MON2: variants seen among roughly 807,000 people sequenced by gnomAD.
The protein encoded by MON2 is MON2 regulator of endosome-to-Golgi trafficking.
In MON2, 84 loss-of-function variants were observed where a neutral mutation model predicts 208.6. That is an observed-to-expected ratio of 0.40 (90% CI 0.34 to 0.48). MON2 has a LOEUF of 0.48. Ranked by LOEUF, MON2 falls within the 20% of genes least tolerant of loss-of-function variation. The pLI, the probability that MON2 is intolerant of heterozygous loss-of-function variation, is 0.59. For synonymous variants in MON2, 660 were observed against 694.0 expected (o/e 0.95, Z 0.77); for missense variants, 1,611 against 2,015.4 (o/e 0.80, Z 3.84).
intron 8 of MON2, 31 bp downstream of exon 8, chr12:62,508,511 AT>A: frequency 1.3e-6 from 2 of 1,584,236 alleles, no homozygotes; most frequent in South Asian, 2.2e-5. Flanking sequence ...GTATTTGTGT[AT>A]ATAGTTGCAT....
intron 7 of MON2, among the ~76,000 whole-genome samples, chr12:62,504,331 G>A (rs10877865): frequency 0.38 from 55,895 of 146,576 alleles, 10,786 homozygotes; most frequent in African/African-American, 0.44. Context: ...TGCAAGCTCC[G>A]CCTCCCATGT....
At chr12:62,582,315 C>T (rs563102496) in intron 32 of MON2, among the ~76,000 whole-genome samples, 3 of 152,152 alleles carry the variant, frequency 2.0e-5, no homozygotes, top group African/African-American at 7.2e-5. Flanking sequence ...CATGGACATT[C>T]TTTCAGTGAC....
chr12:62,579,867 A>G (rs1450094342), intron 31 of MON2, among the ~76,000 whole-genome samples: 3 of 152,266 alleles, frequency 2.0e-5, no homozygotes, highest in African/African-American at 4.8e-5. Flanking sequence ...TGTTAGAGAT[A>G]AACTATTTGA....
intron 19 of MON2, among the ~76,000 whole-genome samples, chr12:62,540,395 A>G (rs923797163): frequency 1.3e-5 from 2 of 152,196 alleles, no homozygotes; most frequent in Non-Finnish European, 2.9e-5. Context: ...ATATGTTTCT[A>G]TTAAGATGAA....
chr12:62,490,233 A>G (rs2070040520), intron 2 of MON2: 1 of 154,904 alleles, frequency 6.5e-6, no homozygotes, highest in Middle Eastern at 6.1e-4. Context: ...TAGGCAGAAA[A>G]TAAACTTTTT....
chr12:62,498,378 G>T (rs1398084354), intron 4 of MON2, among the ~76,000 whole-genome samples: 1 of 152,088 alleles, frequency 6.6e-6, no homozygotes, highest in East Asian at 1.9e-4. Context: ...AACTTTTGGG[G>T]TGATGGAAAT....
Position 62,560,818 on chromosome 12 carries a change from C to G in MON2, c.3737C>G (p.Thr1246Ser), listed in dbSNP as rs766255723. 7 of 1,613,988 alleles carry G rather than the reference C, an allele frequency of 4.3e-6. No individual in the cohort carries two copies. Among genetic ancestry groups the G allele is most frequent in the Non-Finnish European group, 5.9e-6 (7 of 1,179,990 alleles). Residue 1246 changes from threonine to serine, a missense_variant, in exon 26 of 35, where the codon ACC (threonine) becomes AGC (serine). Transcript: ENST00000393630. ...AATCTATGGTGGGCTGCGTGGAATACCTGGTATAGAATTGGATCTGAAAGT... is the reference window on the plus strand; with the variant it reads ...AATCTATGGTGGGCTGCGTGGAATAGCTGGTATAGAATTGGATCTGAAAGT... Reference protein sequence around the residue: ...DLNLWWAAWNTWYRIGSESTK... With the variant: ...DLNLWWAAWNSWYRIGSESTK...
intron 11 of MON2, among the ~76,000 whole-genome samples, chr12:62,528,702 T>G (rs979904586): frequency 2.6e-5 from 4 of 152,234 alleles, no homozygotes; most frequent in Non-Finnish European, 5.9e-5. Flanking sequence ...ATTTTCCCAA[T>G]AGATCACATA....
At chr12:62,524,979 G>A (rs747066720) in intron 9 of MON2, 105 bp from the exon 10 acceptor site, 3 of 972,586 alleles carry the variant, frequency 3.1e-6, no homozygotes, top group East Asian at 5.2e-5. Flanking sequence ...GAATGTTTTA[G>A]TATAGTTTGG....
At chr12:62,539,676 A>G (rs1404589223) in intron 19 of MON2, among the ~76,000 whole-genome samples, 4 of 152,144 alleles carry the variant, frequency 2.6e-5, no homozygotes, top group Non-Finnish European at 4.4e-5. Context: ...AGTTTCATAT[A>G]TTATAGTACC....
In MON2 at chr12:62,537,951, A is replaced by T. The variant is rs556544040; in HGVS notation, c.2119-145A>T. 3.1e-5 allele frequency: 22 copies of T among 702,878 alleles called. No individual in the cohort carries two copies. The African/African-American group carries it at 4.0e-4, about 13-fold the overall frequency. The allele number at this position is 702,878 out of a possible 1,614,324, so 43.5% of individuals were successfully genotyped here. On this transcript the variant is annotated intron_variant, in intron 16 of 34. Coordinates refer to ENST00000393630, the MANE Select transcript of MON2 (RefSeq NM_015026.3). ...CATTAATTATTTTATATGAATGTTA[A>T]TTAGTGATTTTAGTTTTAGGTTTTA...
chr12:62,581,833 CAA>C (rs2075018552), intron 32 of MON2, among the ~76,000 whole-genome samples: 1 of 151,720 alleles, frequency 6.6e-6, no homozygotes, highest in Admixed American at 6.6e-5. Flanking sequence ...GTCTCAAAAA[CAA>C]AAAAGAAAAA....
chr12:62,481,012 A>G (rs189324319), intron 1 of MON2, among the ~76,000 whole-genome samples: 14 of 152,326 alleles, frequency 9.2e-5, no homozygotes, highest in Admixed American at 8.5e-4. Flanking sequence ...GGGTGTGTGA[A>G]TGTTACAAAA....
At chr12:62,497,163 T>G (rs1472435975) in intron 4 of MON2, among the ~76,000 whole-genome samples, 1 of 69,112 alleles carries the variant, frequency 1.4e-5, no homozygotes, top group Non-Finnish European at 2.8e-5. Context: ...GTTGTGGGGT[T>G]GGGGGAGGGG....
rs77377829 is a variant in MON2 at position 62,478,482 on chromosome 12, A to G, written c.112-5688A>G. On this transcript the variant is annotated intron_variant, in intron 1 of 34. Transcript: ENST00000393630. ...TGACAAAATCAGAAGGACCTGCACC[A>G]TAAGTCTATAGCTATCATCTTGTTG... 4.8e-3 allele frequency among the ~76,000 whole-genome samples: 724 copies of G among 152,370 alleles called. 6 individuals carry two copies. Among genetic ancestry groups the G allele is most frequent in the African/African-American group, 0.016 (668 of 41,598 alleles).
intron 11 of MON2, among the ~76,000 whole-genome samples, chr12:62,528,645 G>A (rs1172226260): frequency 6.6e-6 from 1 of 152,134 alleles, no homozygotes; most frequent in African/African-American, 2.4e-5. Context: ...CATAGAATTG[G>A]AGAATTGGAG....
chr12:62,489,699 ACAT>A lies in MON2; in HGVS notation c.176-4212_176-4210del, dbSNP rs372932834. ...GCAAAATTACTAACCAATTGAACCA[ACAT>A]CATTTGTTAAATAGCCCCTTCCCTT... On this transcript the variant is annotated intron_variant, in intron 2 of 34. Coordinates refer to ENST00000393630, the MANE Select transcript of MON2 (RefSeq NM_015026.3). Among the ~76,000 whole-genome samples the A allele has an allele frequency of 5.9e-5, 9 of 152,198 alleles. No homozygotes were observed. The East Asian group carries it at 1.2e-3, about 20-fold the overall frequency.
rs115887723 is a variant in MON2, at chr12:62,510,499, A to G, written c.984+2019A>G. Among the ~76,000 whole-genome samples, 1,369 of 152,332 alleles carry G rather than the reference A, an allele frequency of 9.0e-3. 27 individuals are homozygous for G. The highest frequency in any genetic ancestry group is 0.031 in the African/African-American group (1,298 of 41,576). ...TTTCAACATACAAGAATCAGTTAATATAATACACTACATTAAAAGAATGAA... is the reference window on the plus strand; with the variant it reads ...TTTCAACATACAAGAATCAGTTAATGTAATACACTACATTAAAAGAATGAA... On this transcript the variant is annotated intron_variant, in intron 8 of 34. Coordinates refer to ENST00000393630, the MANE Select transcript of MON2 (RefSeq NM_015026.3).
chr12:62,540,212 C>CA (rs1418961363), intron 19 of MON2, among the ~76,000 whole-genome samples: 1 of 151,986 alleles, frequency 6.6e-6, no homozygotes, highest in Non-Finnish European at 1.5e-5. Flanking sequence ...ACGATCTGCT[C>CA]AGAGACATTA....
Sources: gnomAD v4.1 joint callset for allele counts (sites outside exome capture counted in the v4.1 genomes callset) on GRCh38, gnomAD v4.1.1 for gene constraint, MANE v1.5 for transcripts, NCBI Gene and HGNC (gene_info 2026-07-23, HGNC 2026-07-21) for gene names.